Variants in SLC35E3 observed in about 807,000 individuals in gnomAD.
SLC35E3 encodes solute carrier family 35 member E3.
Under a neutral mutation model 30.8 loss-of-function variants are expected in SLC35E3, and 28 were observed. The ratio of observed to expected loss-of-function variants is 0.91; its 90% CI spans 0.67 to 1.25. The LOEUF (loss-of-function observed/expected upper bound fraction) is 1.25, where lower values mean the gene tolerates loss of function less well. Among genes scored for constraint, SLC35E3 ranks in the 50% most tolerant of loss-of-function variants. The pLI, the probability that SLC35E3 is intolerant of heterozygous loss-of-function variation, is 0.00. For synonymous variants in SLC35E3, 146 were observed against 149.2 expected (o/e 0.98, Z 0.16); for missense variants, 365 against 375.4 (o/e 0.97, Z 0.23).
At chr12:68,749,126 C>T (rs1029129019) in intron 2 of SLC35E3, among the ~76,000 whole-genome samples, 8 of 152,164 alleles carry the variant, frequency 5.3e-5, no homozygotes, top group African/African-American at 1.9e-4. Flanking sequence ...ATTCAGAGTA[C>T]TCACCATCTC....
intron 3 of SLC35E3, among the ~76,000 whole-genome samples, chr12:68,757,280 A>G (rs1306753731): frequency 3.3e-5 from 5 of 152,190 alleles, no homozygotes; most frequent in Non-Finnish European, 5.9e-5. Context: ...GCTTCTTTAT[A>G]TTCTTCAAAG....
rs1879679944 is a variant in SLC35E3 at position 68,774,327 on chromosome 12, C to T, written c.*9437C>T. ...AGGCGTAGTGGTTCACACCTGCAAT[C>T]TCAGCACTTTGGAAGGCTGAGGTGG... is the stretch of plus-strand genomic sequence containing the variant. On this transcript the variant is annotated 3_prime_UTR_variant, in exon 5 of 5. Coordinates refer to ENST00000398004, the MANE Select transcript of SLC35E3 (RefSeq NM_018656.5). 6.6e-6 allele frequency: 1 copy of T among 152,238 alleles called. No individual in the cohort carries two copies. Among genetic ancestry groups the T allele is most frequent in the Non-Finnish European group, 1.5e-5 (1 of 68,154 alleles). The allele number at this position is 152,238 out of a possible 1,614,324, so 9.4% of individuals were successfully genotyped here.
chr12:68,749,740 C>T (rs570033080), intron 2 of SLC35E3, among the ~76,000 whole-genome samples: 2 of 152,262 alleles, frequency 1.3e-5, no homozygotes, highest in East Asian at 3.9e-4. Context: ...CTGGTCTTTT[C>T]CTTGCAGTGT....
rs776793630 is a variant in SLC35E3 at position 68,773,265 on chromosome 12, A to G, written c.*8375A>G. 1 of 152,154 alleles carries G rather than the reference A, an allele frequency of 6.6e-6. No individual in the cohort carries two copies. The highest frequency in any genetic ancestry group is 1.5e-5 in the Non-Finnish European group (1 of 68,056). The allele number at this position is 152,154 out of a possible 1,614,324, so 9.4% of individuals were successfully genotyped here. The stretch of plus-strand genomic sequence containing the variant: ...TGCAGGATAGGGATGGGTGGGCCTT[A>G]ATTCAGGAGGTGGGAGGCTCAAAAT... On this transcript the variant is annotated 3_prime_UTR_variant, in exon 5 of 5. Coordinates refer to ENST00000398004, the MANE Select transcript of SLC35E3 (RefSeq NM_018656.5).
At position 68,778,516 on chromosome 12, in the gene SLC35E3, G is replaced by C. The variant is rs188046849; in HGVS notation, c.*13626G>C. On this transcript the variant is annotated 3_prime_UTR_variant, in exon 5 of 5. Transcript: ENST00000398004. ...AGAAACAGGGTCTTGCCGGCCAGGC[G>C]TGGTGACTCATGCCTGTAATCTCAG... 1.3e-5 allele frequency: 2 copies of C among 152,308 alleles called. No individual in the cohort carries two copies. Among genetic ancestry groups the C allele is most frequent in the Admixed American group, 1.3e-4 (2 of 15,286 alleles). The allele number at this position is 152,308 out of a possible 1,614,324, so 9.4% of individuals were successfully genotyped here. A position where few individuals can be genotyped will look rare whatever the true frequency, so the allele number is the denominator to read the frequency against.
At chr12:68,757,691 G>A (rs1281370128) in intron 3 of SLC35E3, among the ~76,000 whole-genome samples, 1 of 152,230 alleles carries the variant, frequency 6.6e-6, no homozygotes, top group Non-Finnish European at 1.5e-5. Context: ...TCCTCAAGTA[G>A]TTTCTAAGCT....
chr12:68,746,353 A>G lies in SLC35E3; in HGVS notation c.-25A>G, dbSNP rs1413445048. Reference sequence around the variant, plus strand: ...CAGGCCCGGCGCCCCTTCCGAGGCTAGACGGCCCCAGCTTCGCGGGGATCA... The same window carrying G: ...CAGGCCCGGCGCCCCTTCCGAGGCTGGACGGCCCCAGCTTCGCGGGGATCA... On this transcript the variant is annotated 5_prime_UTR_variant, in exon 1 of 5. Coordinates refer to ENST00000398004, the MANE Select transcript of SLC35E3 (RefSeq NM_018656.5). The G allele has an allele frequency of 2.6e-6, 4 of 1,540,500 alleles. No individual in the cohort carries two copies. The highest frequency in any genetic ancestry group is 1.4e-5 in the African/African-American group (1 of 72,804).
intron 2 of SLC35E3, among the ~76,000 whole-genome samples, chr12:68,751,732 T>C (rs1227965998): frequency 6.6e-6 from 1 of 152,218 alleles, no homozygotes; most frequent in African/African-American, 2.4e-5. Flanking sequence ...CTTATATGCA[T>C]TTATTTTTCC....
Position 68,776,922 on chromosome 12 carries a change from C to G in SLC35E3, c.*12032C>G, listed in dbSNP as rs1879762280. 1 of 152,266 alleles carries G rather than the reference C, an allele frequency of 6.6e-6. No individual in the cohort carries two copies. Among genetic ancestry groups the G allele is most frequent in the Admixed American group, 6.5e-5 (1 of 15,268 alleles). 9.4% of individuals were successfully genotyped at this position (152,266 alleles called of 1,614,324 possible). On this transcript the variant is annotated 3_prime_UTR_variant, in exon 5 of 5. Coordinates refer to ENST00000398004, the MANE Select transcript of SLC35E3 (RefSeq NM_018656.5). ...TGCCCTTCACCATCATCTTTGTGCTCTCTGACACTGGTCATCCTCAGTTAC... is the reference window on the plus strand; with the variant it reads ...TGCCCTTCACCATCATCTTTGTGCTGTCTGACACTGGTCATCCTCAGTTAC...
chr12:68,774,698 A>G lies in SLC35E3; in HGVS notation c.*9808A>G, dbSNP rs534570230. 1 of 151,750 alleles carries G rather than the reference A, an allele frequency of 6.6e-6. No homozygotes were observed. The highest frequency in any genetic ancestry group is 2.1e-4 in the South Asian group (1 of 4,800). 9.4% of individuals were successfully genotyped at this position (151,750 alleles called of 1,614,324 possible). On this transcript the variant is annotated 3_prime_UTR_variant, in exon 5 of 5. Transcript: ENST00000398004. ...GGCTGCAGTGAGCCATGATCATGCCACTGCACTATATGCTGGGCAACAGAG... is the reference window on the plus strand; with the variant it reads ...GGCTGCAGTGAGCCATGATCATGCCGCTGCACTATATGCTGGGCAACAGAG...
chr12:68,747,981 A>C lies in SLC35E3; in HGVS notation c.454A>C (p.Asn152His), dbSNP rs754981766. ...ILNSYYDVKF[N>H]FLGMVFAALG... ...AAATTCTTATTACGATGTGAAGTTT[A>C]ATTTCCTTGGAATGGTGTTTGCTGC... The change falls in exon 2 of 5, where the codon AAT (asparagine) becomes CAT (histidine). Residue 152 changes from asparagine (N) to histidine (H), a missense_variant. Coordinates refer to ENST00000398004, the MANE Select transcript of SLC35E3 (RefSeq NM_018656.5). 1.9e-6 allele frequency: 3 copies of C among 1,611,354 alleles called. No individual in the cohort carries two copies. The East Asian group carries it at 6.7e-5, about 36-fold the overall frequency.
Position 68,746,539 on chromosome 12 carries a change from C to G in SLC35E3, c.162C>G (p.Thr54=), listed in dbSNP as rs759509154. ...TGACCCTGGTGCACTTCGTGGTCACCTGGCTGGGCTTGTATATCTGCCAGA... is the reference window on the plus strand; with the variant it reads ...TGACCCTGGTGCACTTCGTGGTCACGTGGCTGGGCTTGTATATCTGCCAGA... ...MSLTLVHFVV[T]WLGLYICQKL... The change falls in exon 1 of 5, where the codon ACC becomes ACG. Residue 54 remains threonine (T), a synonymous_variant. Transcript: ENST00000398004. 3.1e-6 allele frequency: 5 copies of G among 1,614,240 alleles called. No homozygotes were observed. The Admixed American group carries it at 8.3e-5, about 27-fold the overall frequency.
rs746178246 is a variant in SLC35E3, at chr12:68,746,348, A to G, written c.-30A>G. 5.2e-6 allele frequency: 8 copies of G among 1,535,666 alleles called. No individual in the cohort carries two copies. The highest frequency in any genetic ancestry group is 6.1e-6 in the Non-Finnish European group (7 of 1,143,688). On this transcript the variant is annotated 5_prime_UTR_variant, in exon 1 of 5. Transcript: ENST00000398004. ...GGAGACAGGCCCGGCGCCCCTTCCG[A>G]GGCTAGACGGCCCCAGCTTCGCGGG...
At chr12:68,748,492 G>A (rs1878679250) in intron 2 of SLC35E3, among the ~76,000 whole-genome samples, 1 of 151,644 alleles carries the variant, frequency 6.6e-6, no homozygotes, top group African/African-American at 2.4e-5. Context: ...CTTGTTTATT[G>A]GCTTTTAATA....
intron 3 of SLC35E3, among the ~76,000 whole-genome samples, chr12:68,754,576 G>A (rs558561755): frequency 1.6e-4 from 25 of 152,104 alleles, no homozygotes; most frequent in African/African-American, 5.5e-4. Flanking sequence ...GTGAGCCGCC[G>A]CGCCCAGCCG....
At position 68,766,220 on chromosome 12, in the gene SLC35E3, C is replaced by T. The variant is rs2136081075; in HGVS notation, c.*1330C>T. 1 of 152,092 alleles carries T rather than the reference C, an allele frequency of 6.6e-6. No individual in the cohort carries two copies. Among genetic ancestry groups the T allele is most frequent in the Non-Finnish European group, 1.5e-5 (1 of 67,996 alleles). The allele number at this position is 152,092 out of a possible 1,614,324, so 9.4% of individuals were successfully genotyped here. ...ACAAAACGGCAGCCAATCTCAGTGG[C>T]TCACACCTGTAATCCCAGCACTTTG... On this transcript the variant is annotated 3_prime_UTR_variant, in exon 5 of 5. Coordinates refer to ENST00000398004, the MANE Select transcript of SLC35E3 (RefSeq NM_018656.5).
chr12:68,774,006 G>A lies in SLC35E3; in HGVS notation c.*9116G>A, dbSNP rs1344952486. 1.3e-5 allele frequency: 2 copies of A among 152,126 alleles called. No individual in the cohort carries two copies. Among genetic ancestry groups the A allele is most frequent in the Non-Finnish European group, 2.9e-5 (2 of 68,036 alleles). 9.4% of individuals were successfully genotyped at this position (152,126 alleles called of 1,614,324 possible). A position where few individuals can be genotyped will look rare whatever the true frequency, so the allele number is the denominator to read the frequency against. ...TCAAAGTCTGCTGAGGATTTCTAGGGTATCCTGATTAAAAGGGACAGATGT... is the reference window on the plus strand; with the variant it reads ...TCAAAGTCTGCTGAGGATTTCTAGGATATCCTGATTAAAAGGGACAGATGT... On this transcript the variant is annotated 3_prime_UTR_variant, in exon 5 of 5. Transcript: ENST00000398004.
intron 4 of SLC35E3, among the ~76,000 whole-genome samples, chr12:68,763,090 T>C (rs1206659581): frequency 6.6e-6 from 1 of 152,236 alleles, no homozygotes; most frequent in Admixed American, 6.5e-5. Context: ...CAAGCAGGTG[T>C]TTATGATACA....
chr12:68,775,236 T>C lies in SLC35E3; in HGVS notation c.*10346T>C, dbSNP rs1176431881. The C allele has an allele frequency of 6.6e-6, 1 of 152,222 alleles. No individual in the cohort carries two copies. Among genetic ancestry groups the C allele is most frequent in the Non-Finnish European group, 1.5e-5 (1 of 68,050 alleles). The allele number at this position is 152,222 out of a possible 1,614,324, so 9.4% of individuals were successfully genotyped here. ...GGGCAAGAATGGAGGACCTGCTCTG[T>C]CTGTCGGACTTTGGAACTCAGGAAG... On this transcript the variant is annotated 3_prime_UTR_variant, in exon 5 of 5. Coordinates refer to ENST00000398004, the MANE Select transcript of SLC35E3 (RefSeq NM_018656.5).
Sources: allele counts gnomAD v4.1 joint callset (sites outside exome capture counted in the v4.1 genomes callset), GRCh38; gene constraint gnomAD v4.1.1; transcripts MANE v1.5; gene names NCBI Gene and HGNC (gene_info 2026-07-23, HGNC 2026-07-21).